The following PBX3 variants were observed in gnomAD, a reference collection of about 807,000 sequenced individuals.
The protein encoded by PBX3 is pre-B-cell leukemia transcription factor 3.
Under a neutral mutation model 48.5 loss-of-function variants are expected in PBX3, and 14 were observed. The ratio of observed to expected loss-of-function variants is 0.29; its 90% CI spans 0.19 to 0.45. The LOEUF (loss-of-function observed/expected upper bound fraction) is 0.45. Ranked by LOEUF, PBX3 falls within the 20% of genes least tolerant of loss-of-function variation. The probability of loss-of-function intolerance (pLI) is 1.00; values close to 1 mark genes in which losing one functional copy is unlikely to be tolerated. For missense variants in PBX3, 386 were observed against 546.7 expected, an observed-to-expected ratio of 0.71 and a Z score of 2.93; for synonymous variants, 210 against 200.3, an observed-to-expected ratio of 1.05 and a Z score of -0.41.
intron 2 of PBX3, among the ~76,000 whole-genome samples, chr9:125,762,481 T>C (rs1056224864): frequency 6.6e-6 from 1 of 152,186 alleles, no homozygotes; most frequent in African/African-American, 2.4e-5. Flanking sequence ...GGAGGGTATT[T>C]ATGGTATTTT....
chr9:125,755,914 C>CT lies in PBX3; in HGVS notation c.274+7299dup, dbSNP rs544780740. 1.5e-4 allele frequency among the ~76,000 whole-genome samples: 22 copies of CT among 151,558 alleles called. No homozygotes were observed. In the South Asian group the frequency reaches 4.4e-3, roughly 30 times the overall value. ...TACTAAAATTTTTGTGTCACCTAGT[C>CT]TTTTTTTTCCTAAAACATAATTTCA... On this transcript the variant is annotated intron_variant, in intron 2 of 8. Coordinates refer to ENST00000373489, the MANE Select transcript of PBX3 (RefSeq NM_006195.6).
chr9:125,790,375 C>T (rs772784882), intron 2 of PBX3, among the ~76,000 whole-genome samples: 78 of 151,730 alleles, frequency 5.1e-4, no homozygotes, highest in Non-Finnish European at 1.1e-3. Flanking sequence ...GCTTCAGCCT[C>T]CCTAGCAGCT....
At chr9:125,938,422 C>A (rs567759518) in intron 5 of PBX3, among the ~76,000 whole-genome samples, 1 of 152,010 alleles carries the variant, frequency 6.6e-6, no homozygotes, top group African/African-American at 2.4e-5. Flanking sequence ...AGATGAAGAA[C>A]ATGGTCTTAA....
chr9:125,818,455 C>T (rs1838537725), intron 2 of PBX3, among the ~76,000 whole-genome samples: 1 of 151,792 alleles, frequency 6.6e-6, no homozygotes, highest in East Asian at 2.0e-4. Context: ...CTGTCTCAGC[C>T]TCCTGAGTAG....
chr9:125,864,706 C>T (rs991820966), intron 2 of PBX3, among the ~76,000 whole-genome samples: 2 of 152,078 alleles, frequency 1.3e-5, no homozygotes, highest in Non-Finnish European at 2.9e-5. Flanking sequence ...TGACAGGAAG[C>T]GGAACTCAGG....
intron 2 of PBX3, among the ~76,000 whole-genome samples, chr9:125,870,396 C>T (rs542280689): frequency 5.5e-4 from 84 of 152,098 alleles, no homozygotes; most frequent in African/African-American, 1.9e-3. Context: ...TGGTGGCAGA[C>T]GAGAGAATTT....
At chr9:125,878,834 G>A (rs1359390543) in intron 2 of PBX3, among the ~76,000 whole-genome samples, 2 of 152,176 alleles carry the variant, frequency 1.3e-5, no homozygotes, top group Non-Finnish European at 2.9e-5. Flanking sequence ...AGTCGTTAGT[G>A]ATATAAGAGG....
chr9:125,892,490 T>G (rs972492761), intron 2 of PBX3, among the ~76,000 whole-genome samples: 1 of 152,206 alleles, frequency 6.6e-6, no homozygotes, highest in Non-Finnish European at 1.5e-5. Flanking sequence ...ATGGTATCAT[T>G]AGCTTTGACA....
At chr9:125,816,409 A>C (rs934585555) in intron 2 of PBX3, among the ~76,000 whole-genome samples, 1 of 152,250 alleles carries the variant, frequency 6.6e-6, no homozygotes, top group Non-Finnish European at 1.5e-5. Flanking sequence ...CAGAAGATCC[A>C]GAGCGATGCT....
chr9:125,891,320 A>C (rs1840636339), intron 2 of PBX3, among the ~76,000 whole-genome samples: 1 of 152,208 alleles, frequency 6.6e-6, no homozygotes, highest in Admixed American at 6.5e-5. Flanking sequence ...TTCTCAAGTG[A>C]AATATATAAA....
At chr9:125,950,342 A>G (rs1187144766) in intron 5 of PBX3, among the ~76,000 whole-genome samples, 1 of 152,218 alleles carries the variant, frequency 6.6e-6, no homozygotes, top group Non-Finnish European at 1.5e-5. Flanking sequence ...ATAAAAAAAT[A>G]CTGTACTTGA....
intron 2 of PBX3, among the ~76,000 whole-genome samples, chr9:125,911,335 T>TC (rs1841199100): frequency 6.6e-6 from 1 of 152,118 alleles, no homozygotes; most frequent in African/African-American, 2.4e-5. Context: ...TCTTTCTTCT[T>TC]CATCTATAGT....
intron 2 of PBX3, among the ~76,000 whole-genome samples, chr9:125,883,814 C>T (rs1365939631): frequency 1.3e-5 from 2 of 152,126 alleles, no homozygotes; most frequent in Non-Finnish European, 2.9e-5. Flanking sequence ...CTAATAAAAC[C>T]ATGTGGCTTC....
intron 5 of PBX3, among the ~76,000 whole-genome samples, chr9:125,942,966 G>A (rs1352235671): frequency 6.6e-6 from 1 of 152,134 alleles, no homozygotes; most frequent in African/African-American, 2.4e-5. Context: ...TTGGTGTGGT[G>A]CTTAAAGCTT....
intron 3 of PBX3, 119 bp downstream of exon 3, chr9:125,916,046 A>C: frequency 2.2e-6 from 3 of 1,374,826 alleles, no homozygotes; most frequent in Non-Finnish European, 2.0e-6. Flanking sequence ...CAAAATAAAT[A>C]AGGTCAGTGC....
intron 4 of PBX3, among the ~76,000 whole-genome samples, chr9:125,934,841 A>G (rs914720178): frequency 1.3e-5 from 2 of 152,088 alleles, no homozygotes; most frequent in African/African-American, 4.8e-5. Flanking sequence ...AGTTACTATC[A>G]TCTTCATTTT....
chr9:125,957,765 G>A (rs1842339740), intron 5 of PBX3, among the ~76,000 whole-genome samples: 2 of 152,148 alleles, frequency 1.3e-5, no homozygotes, highest in Admixed American at 1.3e-4. Flanking sequence ...CAGAGTTGGG[G>A]AATTTTCATT....
intron 2 of PBX3, among the ~76,000 whole-genome samples, chr9:125,903,581 A>G (rs1350099332): frequency 2.0e-5 from 3 of 151,854 alleles, no homozygotes; most frequent in Non-Finnish European, 4.4e-5. Context: ...ATACAAAATT[A>G]TAGAATTCGA....
chr9:125,922,180 A>G (rs1442545531), intron 3 of PBX3, among the ~76,000 whole-genome samples: 1 of 152,246 alleles, frequency 6.6e-6, no homozygotes, highest in African/African-American at 2.4e-5. Flanking sequence ...AAATATCATT[A>G]AAAAGTTATT....
Sources: gnomAD v4.1 joint callset for allele counts (sites outside exome capture counted in the v4.1 genomes callset) on GRCh38, gnomAD v4.1.1 for gene constraint, MANE v1.5 for transcripts, NCBI Gene and HGNC (gene_info 2026-07-23, HGNC 2026-07-21) for gene names.